The following NHSL1 variants were observed in gnomAD, a reference collection of about 807,000 sequenced individuals.
The protein encoded by NHSL1 is NHS like 1.
A neutral mutation model predicts 95.0 loss-of-function variants in NHSL1; 48 were observed. The observed-to-expected ratio is 0.51, with a 90% CI of 0.40 to 0.64. The LOEUF (loss-of-function observed/expected upper bound fraction) is 0.64, where lower values mean the gene tolerates loss of function less well. NHSL1 is among the 30% of genes least tolerant of loss of function. The pLI, the probability that NHSL1 is intolerant of heterozygous loss-of-function variation, is 0.00. For missense variants in NHSL1, 1,971 were observed against 2,077.7 expected, an observed-to-expected ratio of 0.95 and a Z score of 1.00; for synonymous variants, 783 against 833.9, an observed-to-expected ratio of 0.94 and a Z score of 1.05.
At chr6:138,564,932 C>T (rs1020775981) in intron 1 of NHSL1, among the ~76,000 whole-genome samples, 2 of 152,092 alleles carry the variant, frequency 1.3e-5, no homozygotes, top group African/African-American at 2.4e-5. Flanking sequence ...TAAGAGGGAA[C>T]GGGAGGTGCC....
At chr6:138,425,390 C>G (rs1463623025) in intron 7 of NHSL1, among the ~76,000 whole-genome samples, 1 of 152,300 alleles carries the variant, frequency 6.6e-6, no homozygotes, top group East Asian at 1.9e-4. Context: ...AGCCACTGTG[C>G]CTGGCAAATA....
intron 1 of NHSL1, among the ~76,000 whole-genome samples, chr6:138,678,960 C>T (rs1785480700): frequency 1.3e-5 from 2 of 152,226 alleles, no homozygotes; most frequent in Admixed American, 6.5e-5. Flanking sequence ...TTCACACCTT[C>T]ATCGCCTCCC....
chr6:138,690,270 A>G (rs553262555), intron 1 of NHSL1, among the ~76,000 whole-genome samples: 7 of 152,374 alleles, frequency 4.6e-5, no homozygotes, highest in Admixed American at 4.6e-4. Context: ...AAGAATCCTA[A>G]CAGATGGTAA....
rs550369582 is a variant in NHSL1 at position 138,439,675 on chromosome 6, A to G, written c.664+2308T>C. Among the ~76,000 whole-genome samples, 299 of 152,370 alleles carry G rather than the reference A, an allele frequency of 2.0e-3. 2 individuals carry two copies. Among genetic ancestry groups the G allele is most frequent in the African/African-American group, 6.9e-3 (286 of 41,582 alleles). Reference sequence around the variant, plus strand: ...TTATCTTTTTTGTTTTAAAAAAACTAGCTCTTAGATACGGTTGTCTCAGTT... The same window carrying G: ...TTATCTTTTTTGTTTTAAAAAAACTGGCTCTTAGATACGGTTGTCTCAGTT... On this transcript the variant is annotated intron_variant, in intron 5 of 7. Transcript: ENST00000343505.
intron 1 of NHSL1, among the ~76,000 whole-genome samples, chr6:138,664,960 G>GA (rs1026362731): frequency 2.6e-5 from 4 of 151,878 alleles, no homozygotes; most frequent in South Asian, 2.1e-4. Context: ...TTATTCAAAT[G>GA]AAAAAAAACT....
chr6:138,522,801 T>C (rs763851460), intron 1 of NHSL1, among the ~76,000 whole-genome samples: 4 of 151,866 alleles, frequency 2.6e-5, no homozygotes, highest in Non-Finnish European at 5.9e-5. Flanking sequence ...CAGAGCAAGA[T>C]CCTGTCTGAA....
intron 1 of NHSL1, among the ~76,000 whole-genome samples, chr6:138,680,107 G>A (rs1171277562): frequency 6.6e-6 from 1 of 152,108 alleles, no homozygotes; most frequent in Non-Finnish European, 1.5e-5. Context: ...ACTTGTTGAT[G>A]TATTTTTATT....
intron 1 of NHSL1, among the ~76,000 whole-genome samples, chr6:138,539,540 C>T (rs1431138862): frequency 2.0e-5 from 3 of 152,078 alleles, no homozygotes; most frequent in African/African-American, 2.4e-5. Context: ...ATACTGCTCC[C>T]CCAATGAGCC....
chr6:138,683,053 C>T (rs1021247463), intron 1 of NHSL1, among the ~76,000 whole-genome samples: 4 of 152,220 alleles, frequency 2.6e-5, no homozygotes, highest in Admixed American at 2.0e-4. Flanking sequence ...CTGAGCGGCC[C>T]TCCAGTTCCC....
At chr6:138,587,423 A>C (rs1784154334) in intron 1 of NHSL1, among the ~76,000 whole-genome samples, 1 of 151,254 alleles carries the variant, frequency 6.6e-6, no homozygotes, top group African/African-American at 2.4e-5. Context: ...CTCTACTAAA[A>C]ATACAAAAAA....
chr6:138,501,451 G>A (rs1780674806), upstream of NHSL1, among the ~76,000 whole-genome samples: 3 of 152,164 alleles, frequency 2.0e-5, no homozygotes, highest in South Asian at 4.1e-4. Flanking sequence ...GGGTGGCCAG[G>A]CTGCAGCATC....
At position 138,555,116 on chromosome 6, in the gene NHSL1, A is replaced by T. The variant is rs188014266; in HGVS notation, c.202+16594T>A. On this transcript the variant is annotated intron_variant, in intron 1 of 6. Coordinates refer to the NHSL1 transcript ENST00000427025. ...AATCCCAGAGTTACAAGATCCACAG[A>T]GCACGGTGCGGCCCACAAAAACAGC... Among the ~76,000 whole-genome samples, 6 of 152,346 alleles carry T rather than the reference A, an allele frequency of 3.9e-5. No homozygotes were observed. In the East Asian group the frequency reaches 9.6e-4, roughly 24 times the overall value.
chr6:138,589,079 C>T (rs1295741468), intron 1 of NHSL1, among the ~76,000 whole-genome samples: 2 of 152,152 alleles, frequency 1.3e-5, no homozygotes, highest in Non-Finnish European at 2.9e-5. Context: ...TATTTGTATC[C>T]TAACACCCGC....
At chr6:138,449,126 T>C (rs1777064336) in intron 3 of NHSL1, among the ~76,000 whole-genome samples, 2 of 152,076 alleles carry the variant, frequency 1.3e-5, no homozygotes, top group African/African-American at 2.4e-5. Context: ...GCATTCATCT[T>C]GCTGCAAAAA....
At chr6:138,437,268 CTG>C (rs1776171205) in intron 5 of NHSL1, among the ~76,000 whole-genome samples, 1 of 143,100 alleles carries the variant, frequency 7.0e-6, no homozygotes, top group South Asian at 2.2e-4. Flanking sequence ...GAGTGAAACT[CTG>C]TCTCAAAAAA....
At chr6:138,466,041 T>TGAGG (rs372536926) in intron 3 of NHSL1, among the ~76,000 whole-genome samples, 1 of 125,552 alleles carries the variant, frequency 8.0e-6, no homozygotes, top group Non-Finnish European at 1.7e-5. Context: ...CACTCCTTTT[T>TGAGG]GGGGGGGGGG....
intron 1 of NHSL1, among the ~76,000 whole-genome samples, chr6:138,660,321 G>A (rs966409216): frequency 4.6e-5 from 7 of 152,100 alleles, no homozygotes; most frequent in Admixed American, 2.0e-4. Flanking sequence ...TGAATCTAAG[G>A]TTGACATGTG....
At position 138,433,646 on chromosome 6, in the gene NHSL1, G is replaced by A. The variant is rs1775869376; in HGVS notation, c.699C>T (p.His233=). The change falls in exon 6 of 8, where the codon CAC becomes CAT. Residue 233 remains histidine, a synonymous_variant. Transcript: ENST00000343505. The part of the protein sequence containing the change: ...SGTGQDDADG[H]SVYTPDHYST... ...AGTAGTGATCAGGGGTGTACACTGA[G>A]TGGCCATCAGCATCATCTTGGCCAG... 13 of 1,546,100 alleles carry A rather than the reference G, an allele frequency of 8.4e-6. No homozygotes were observed. In the South Asian group the frequency reaches 1.4e-4, roughly 17 times the overall value.
intron 1 of NHSL1, among the ~76,000 whole-genome samples, chr6:138,663,879 A>C (rs990827886): frequency 5.3e-5 from 8 of 152,186 alleles, no homozygotes; most frequent in Non-Finnish European, 1.2e-4. Context: ...TCAAAGAAAA[A>C]AAATCATTCT....
Sources: gnomAD v4.1 joint callset for allele counts (sites outside exome capture counted in the v4.1 genomes callset) on GRCh38, gnomAD v4.1.1 for gene constraint, MANE v1.5 for transcripts, NCBI Gene and HGNC (gene_info 2026-07-23, HGNC 2026-07-21) for gene names.